ZFAT: variants seen among roughly 807,000 people sequenced by gnomAD.
ZFAT encodes zinc finger and AT-hook domain containing.
In ZFAT, 64 loss-of-function variants were observed where a neutral mutation model predicts 117.7. That is an observed-to-expected ratio of 0.54 (90% CI 0.44 to 0.67). The LOEUF is 0.67. ZFAT is among the 30% of genes least tolerant of loss of function. The probability of loss-of-function intolerance (pLI) is 0.00; values close to 1 mark genes in which losing one functional copy is unlikely to be tolerated. For missense variants in ZFAT, 1,433 were observed against 1,584.5 expected, an observed-to-expected ratio of 0.90 and a Z score of 1.62; for synonymous variants, 679 against 615.0, an observed-to-expected ratio of 1.10 and a Z score of -1.54.
intron 11 of ZFAT, among the ~76,000 whole-genome samples, chr8:134,555,133 C>T (rs139037639): frequency 5.2e-4 from 79 of 152,268 alleles, no homozygotes; most frequent in African/African-American, 1.8e-3. Flanking sequence ...AAACCAGGTG[C>T]GAGCTGCCAA....
intron 3 of ZFAT, among the ~76,000 whole-genome samples, chr8:134,626,255 G>A (rs924210224): frequency 1.3e-5 from 2 of 152,218 alleles, no homozygotes; most frequent in Non-Finnish European, 2.9e-5. Flanking sequence ...TGAAGCAGGG[G>A]AGCGTGGAGA....
the ZFAT span, among the ~76,000 whole-genome samples, chr8:134,802,449 A>T: frequency 6.6e-6 from 1 of 152,238 alleles, no homozygotes; most frequent in Admixed American, 6.5e-5. Flanking sequence ...GGTAACCTCA[A>T]GCCCATGACT....
chr8:134,627,953 A>C (rs1829629897), intron 3 of ZFAT, among the ~76,000 whole-genome samples: 1 of 152,204 alleles, frequency 6.6e-6, no homozygotes. Context: ...CTGCCTTCTC[A>C]GTTTGGAGAC....
chr8:134,710,411 T>C (rs919529940), intron 1 of ZFAT, among the ~76,000 whole-genome samples: 3 of 152,332 alleles, frequency 2.0e-5, no homozygotes, highest in Non-Finnish European at 1.5e-5. Context: ...CTGAAACCAA[T>C]GGTCTTTGTT....
chr8:134,496,500 C>A (rs1385072155), intron 15 of ZFAT, among the ~76,000 whole-genome samples: 1 of 152,212 alleles, frequency 6.6e-6, no homozygotes, highest in Non-Finnish European at 1.5e-5. Context: ...GTATGCACTG[C>A]CAGCCTGGAG....
At chr8:134,817,419 ACACACACACACACACAC>A in the ZFAT span, among the ~76,000 whole-genome samples, 2 of 108,306 alleles carry the variant, frequency 1.8e-5, no homozygotes, top group African/African-American at 6.5e-5. Flanking sequence ...ACACACACAC[ACACACACACACACACAC>A]AACGCACCCT....
chr8:134,670,428 A>G (rs1832499477), intron 1 of ZFAT, among the ~76,000 whole-genome samples: 1 of 152,294 alleles, frequency 6.6e-6, no homozygotes, highest in Non-Finnish European at 1.5e-5. Flanking sequence ...CAATCAAACT[A>G]GAACTCAGGA....
chr8:134,489,981 G>A lies in ZFAT; in HGVS notation c.3493-11260C>T, dbSNP rs186463091. On this transcript the variant is annotated intron_variant, in intron 15 of 15. Coordinates refer to ENST00000377838, the MANE Select transcript of ZFAT (RefSeq NM_020863.4). Reference sequence around the variant, plus strand: ...GATTCTGCTCTTACACACACTCCACGTCCAAAGCATTGCGGGATCTGTCAG... The same window carrying A: ...GATTCTGCTCTTACACACACTCCACATCCAAAGCATTGCGGGATCTGTCAG... Among the ~76,000 whole-genome samples, 998 of 152,170 alleles carry A rather than the reference G, an allele frequency of 6.6e-3. 4 individuals carry two copies. Among genetic ancestry groups the A allele is most frequent in the Non-Finnish European group, 0.01 (681 of 68,014 alleles).
chr8:134,798,103 G>A, the ZFAT span: 1 of 151,890 alleles, frequency 6.6e-6, no homozygotes, highest in African/African-American at 2.4e-5. Context: ...GAAGTCTACA[G>A]GAGACATTTA....
rs375380060 is a variant in ZFAT at position 134,602,024 on chromosome 8, C to T, written c.1695G>A (p.Pro565=). The stretch of plus-strand genomic sequence containing the variant: ...GTGGCAGGGCTGTGCTTTCGGCCTG[C>T]GGGGAGGCCAGGTGCACAGCTGGGG... ...MPAPAVHLAS[P]QAESTALPPC... The change falls in exon 6 of 16, where the codon CCG becomes CCA. Residue 565 remains proline (P), a synonymous_variant. Coordinates refer to ENST00000377838, the MANE Select transcript of ZFAT (RefSeq NM_020863.4). The T allele has an allele frequency of 2.1e-5, 34 of 1,612,014 alleles. No individual in the cohort carries two copies. Among genetic ancestry groups the T allele is most frequent in the Admixed American group, 6.7e-5 (4 of 59,944 alleles).
the ZFAT span, among the ~76,000 whole-genome samples, chr8:134,817,904 G>C: frequency 6.6e-6 from 1 of 152,078 alleles, no homozygotes; most frequent in South Asian, 2.1e-4. Context: ...TTCACAGGGG[G>C]AAAAGGGAAT....
At chr8:134,542,664 C>A (rs955415982) in intron 11 of ZFAT, among the ~76,000 whole-genome samples, 8 of 152,228 alleles carry the variant, frequency 5.3e-5, no homozygotes, top group Non-Finnish European at 7.3e-5. Flanking sequence ...CTGCTCAGAG[C>A]CTTCAAAGTC....
At chr8:134,505,548 C>T (rs1193434202) in intron 15 of ZFAT, among the ~76,000 whole-genome samples, 1 of 152,084 alleles carries the variant, frequency 6.6e-6, no homozygotes, top group Non-Finnish European at 1.5e-5. Flanking sequence ...CTGGGTGGGT[C>T]CAATGTCATC....
chr8:134,803,842 T>A, the ZFAT span, among the ~76,000 whole-genome samples: 1 of 152,304 alleles, frequency 6.6e-6, no homozygotes, highest in East Asian at 1.9e-4. Context: ...AAGCTTATAA[T>A]CTAATCAAAG....
chr8:134,583,848 G>C lies in ZFAT; in HGVS notation c.2871C>G (p.Leu957=). 1.9e-6 allele frequency: 3 copies of C among 1,613,710 alleles called. No individual in the cohort carries two copies. Among genetic ancestry groups the C allele is most frequent in the Non-Finnish European group, 2.5e-6 (3 of 1,179,818 alleles). The change falls in exon 10 of 16, where the codon CTC becomes CTG. Residue 957 remains leucine (L), a synonymous_variant. Transcript: ENST00000377838. ...KSKGTLKSHK[L]LHTADGKQFK... ...TTTACTCACCATCTGCAGTGTGAAGGAGTTTGTGACTTTTCAGTGTCCCTT... is the reference window on the plus strand; with the variant it reads ...TTTACTCACCATCTGCAGTGTGAAGCAGTTTGTGACTTTTCAGTGTCCCTT...
In ZFAT at chr8:134,590,357, T is replaced by G. The variant is rs1387896514; in HGVS notation, c.2476-2A>C. 6.2e-7 allele frequency: 1 copy of G among 1,604,450 alleles called. No homozygotes were observed. The highest frequency in any genetic ancestry group is 8.5e-7 in the Non-Finnish European group (1 of 1,173,734). On this transcript the variant is annotated splice_acceptor_variant, in intron 7 of 15. Transcript: ENST00000377838. LOFTEE classifies it high-confidence loss of function. ...AGGACAAGAATAACTCCTTTTGTCCTTAATAGAAAGAGAACATAATCAGTT... is the reference window on the plus strand; with the variant it reads ...AGGACAAGAATAACTCCTTTTGTCCGTAATAGAAAGAGAACATAATCAGTT...
chr8:134,539,865 G>A (rs1822123923), intron 11 of ZFAT, among the ~76,000 whole-genome samples: 1 of 151,524 alleles, frequency 6.6e-6, no homozygotes, highest in Non-Finnish European at 1.5e-5. Flanking sequence ...CGCAGGAGAA[G>A]AGGGTCAGGT....
intron 3 of ZFAT, among the ~76,000 whole-genome samples, chr8:134,628,699 G>C (rs1829687580): frequency 6.6e-6 from 1 of 152,226 alleles, no homozygotes; most frequent in Admixed American, 6.5e-5. Flanking sequence ...AGCAGTCTAT[G>C]TATCTGAGCC....
At chr8:134,803,084 ATTGCCCCATTAATCTGTAGCATC>A in the ZFAT span, among the ~76,000 whole-genome samples, 1 of 152,198 alleles carries the variant, frequency 6.6e-6, no homozygotes, top group South Asian at 2.1e-4. Flanking sequence ...CATAACACAG[ATTGCCCCATTAATCTGTAGCATC>A]TAGGGATAAC....
Sources: gnomAD v4.1 joint callset for allele counts (sites outside exome capture counted in the v4.1 genomes callset) on GRCh38, gnomAD v4.1.1 for gene constraint, MANE v1.5 for transcripts, NCBI Gene and HGNC (gene_info 2026-07-23, HGNC 2026-07-21) for gene names.